GPC5: variants seen among roughly 807,000 people sequenced by gnomAD.
The protein encoded by GPC5 is glypican 5, also known as glypican-5.
GPC5 carries 47 observed loss-of-function variants against 53.9 expected under a neutral mutation model. The ratio of observed to expected loss-of-function variants is 0.87; its 90% CI spans 0.69 to 1.11. The LOEUF (loss-of-function observed/expected upper bound fraction) is 1.11, where lower values mean the gene tolerates loss of function less well. GPC5 is among the 50% of genes most tolerant of loss of function. GPC5 has a pLI of 0.00. For missense variants in GPC5, 748 were observed against 713.1 expected (o/e 1.05, Z -0.56); for synonymous variants, 286 against 263.3 (o/e 1.09, Z -0.84).
At chr13:92,290,417 A>C (rs2042985229) in intron 7 of GPC5, among the ~76,000 whole-genome samples, 1 of 151,852 alleles carries the variant, frequency 6.6e-6, no homozygotes, top group South Asian at 2.1e-4. Flanking sequence ...GATTTTTGAG[A>C]TTTTGGCGCA....
intron 7 of GPC5, among the ~76,000 whole-genome samples, chr13:92,401,298 T>A (rs1875547560): frequency 6.6e-6 from 1 of 152,062 alleles, no homozygotes; most frequent in Non-Finnish European, 1.5e-5. Flanking sequence ...CATAGTACTA[T>A]GACCTTTCCT....
chr13:92,381,958 G>GTATCTATC (rs2043751163), intron 7 of GPC5, among the ~76,000 whole-genome samples: 1 of 89,494 alleles, frequency 1.1e-5, no homozygotes, highest in African/African-American at 4.6e-5. Context: ...ATCTATGTAT[G>GTATCTATC]TATGTATCTA....
At chr13:92,598,321 A>T (rs1294216379) in intron 7 of GPC5, among the ~76,000 whole-genome samples, 2 of 152,096 alleles carry the variant, frequency 1.3e-5, no homozygotes, top group Non-Finnish European at 2.9e-5. Context: ...GTAGCAGAAT[A>T]TGTTTTGTTG....
At chr13:91,580,257 A>G (rs1211399966) in intron 2 of GPC5, among the ~76,000 whole-genome samples, 3 of 151,910 alleles carry the variant, frequency 2.0e-5, no homozygotes, top group African/African-American at 4.8e-5. Flanking sequence ...TCATCGTGTT[A>G]GCCAGGATGG....
intron 7 of GPC5, among the ~76,000 whole-genome samples, chr13:92,410,721 G>A (rs1344669900): frequency 6.6e-6 from 1 of 152,140 alleles, no homozygotes; most frequent in Admixed American, 6.5e-5. Flanking sequence ...ATTAACTTGA[G>A]TTAAAAACCG....
intron 6 of GPC5, among the ~76,000 whole-genome samples, chr13:92,089,298 G>A (rs1390021125): frequency 1.3e-5 from 2 of 151,914 alleles, no homozygotes; most frequent in Admixed American, 6.5e-5. Context: ...GCCAGGCATT[G>A]TGGCGGGCGG....
intron 3 of GPC5, among the ~76,000 whole-genome samples, chr13:91,721,519 A>T (rs2036474060): frequency 6.6e-6 from 1 of 152,172 alleles, no homozygotes. Context: ...AAAAGAGATC[A>T]TGTTACTGCC....
At chr13:92,159,724 T>A (rs1209774988) in intron 7 of GPC5, among the ~76,000 whole-genome samples, 4 of 144,102 alleles carry the variant, frequency 2.8e-5, no homozygotes, top group Non-Finnish European at 6.0e-5. Context: ...TGCCTCAGCC[T>A]CCCGAGTAGC....
chr13:92,653,728 A>G (rs1313750952), intron 7 of GPC5, among the ~76,000 whole-genome samples: 1 of 152,232 alleles, frequency 6.6e-6, no homozygotes, highest in African/African-American at 2.4e-5. Flanking sequence ...GTGGCCTTAC[A>G]CATAAGTAAG....
At chr13:92,176,535 A>G (rs946268240) in intron 7 of GPC5, among the ~76,000 whole-genome samples, 1 of 152,186 alleles carries the variant, frequency 6.6e-6, no homozygotes, top group African/African-American at 2.4e-5. Flanking sequence ...GCTAATGCTC[A>G]TTTGAAAAAA....
intron 5 of GPC5, among the ~76,000 whole-genome samples, chr13:91,766,252 G>C (rs911635629): frequency 6.6e-6 from 1 of 152,188 alleles, no homozygotes; most frequent in Non-Finnish European, 1.5e-5. Context: ...ATGCATTCTT[G>C]AGTGAAATGC....
intron 7 of GPC5, among the ~76,000 whole-genome samples, chr13:92,482,800 A>G (rs1045531909): frequency 9.2e-5 from 14 of 152,310 alleles, no homozygotes; most frequent in African/African-American, 3.1e-4. Flanking sequence ...CTAAATCAGT[A>G]GGAAGAAAGA....
At chr13:91,565,536 A>T (rs1312602111) in intron 2 of GPC5, among the ~76,000 whole-genome samples, 1 of 152,180 alleles carries the variant, frequency 6.6e-6, no homozygotes, top group Admixed American at 6.5e-5. Context: ...TGTTATTGGC[A>T]GGGAATCCTA....
intron 6 of GPC5, among the ~76,000 whole-genome samples, chr13:91,962,756 A>G (rs1171162206): frequency 1.3e-5 from 2 of 152,168 alleles, no homozygotes; most frequent in Non-Finnish European, 2.9e-5. Flanking sequence ...TCTATTAACC[A>G]TTAGTTATAC....
intron 2 of GPC5, among the ~76,000 whole-genome samples, chr13:91,593,673 T>G (rs2032887670): frequency 6.6e-6 from 1 of 152,146 alleles, no homozygotes; most frequent in Non-Finnish European, 1.5e-5. Context: ...CCAGCAGAAA[T>G]GAGTGTTGAG....
At chr13:92,041,876 G>A (rs1323403675) in intron 6 of GPC5, among the ~76,000 whole-genome samples, 1 of 152,176 alleles carries the variant, frequency 6.6e-6, no homozygotes, top group East Asian at 1.9e-4. Context: ...GAATCCAGGG[G>A]TCAAGAAGCA....
At chr13:91,649,136 CT>C (rs1216361295) in intron 2 of GPC5, among the ~76,000 whole-genome samples, 1 of 152,114 alleles carries the variant, frequency 6.6e-6, no homozygotes, top group African/African-American at 2.4e-5. Context: ...GACCTGTTTG[CT>C]TTCCCTTCTT....
intron 6 of GPC5, among the ~76,000 whole-genome samples, chr13:91,958,727 T>C (rs35958676): frequency 0.046 from 7,060 of 152,032 alleles, 361 homozygotes; most frequent in East Asian, 0.22. Flanking sequence ...CAAGAGGAAC[T>C]CAGGAAACTG....
intron 7 of GPC5, among the ~76,000 whole-genome samples, chr13:92,608,891 C>T (rs982509380): frequency 6.6e-6 from 1 of 152,172 alleles, no homozygotes; most frequent in African/African-American, 2.4e-5. Flanking sequence ...CTGTGCTATT[C>T]TAAATATATA....
Sources: allele counts gnomAD v4.1 joint callset (sites outside exome capture counted in the v4.1 genomes callset), GRCh38; gene constraint gnomAD v4.1.1; transcripts MANE v1.5; gene names NCBI Gene and HGNC (gene_info 2026-07-23, HGNC 2026-07-21).